The following PPP2R5D variants were observed in gnomAD, a reference collection of about 807,000 sequenced individuals.
PPP2R5D encodes the protein protein phosphatase 2 regulatory subunit B'delta.
PPP2R5D carries 12 observed loss-of-function variants against 79.1 expected under a neutral mutation model. That is an observed-to-expected ratio of 0.15 (90% CI 0.10 to 0.25). PPP2R5D has a LOEUF of 0.25. PPP2R5D is among the 10% of genes least tolerant of loss of function. The pLI is 1.00. For synonymous variants in PPP2R5D, 277 were observed against 286.6 expected, an observed-to-expected ratio of 0.97 and a Z score of 0.34; for missense variants, 419 against 760.2, an observed-to-expected ratio of 0.55 and a Z score of 5.28.
Position 43,008,165 on chromosome 6 carries a change from C to T in PPP2R5D, c.858-36C>T. The T allele has an allele frequency of 6.2e-7, 1 of 1,613,120 alleles. No individual in the cohort carries two copies. The highest frequency in any genetic ancestry group is 8.5e-7 in the Non-Finnish European group (1 of 1,179,766). On this transcript the variant is annotated intron_variant, in intron 7 of 15. Coordinates refer to ENST00000485511, the MANE Select transcript of PPP2R5D (RefSeq NM_006245.4). This position sits in a 1 kb window ranked among gnomAD's most constrained non-coding sequence, Gnocchi z 4.2. ...ACTGTACAGAATGCTGGAGGGACATCAGGGGTTGTCAAGAGAGCCATTTTT... is the reference window on the plus strand; with the variant it reads ...ACTGTACAGAATGCTGGAGGGACATTAGGGGTTGTCAAGAGAGCCATTTTT...
At chr6:43,004,568 A>C (rs76082872) in intron 2 of PPP2R5D, among the ~76,000 whole-genome samples, 1 of 96,398 alleles carries the variant, frequency 1.0e-5, no homozygotes, top group Admixed American at 1.0e-4. Context: ...TTCTTTTCCT[A>C]CTTTTTTTTT....
intron 2 of PPP2R5D, among the ~76,000 whole-genome samples, chr6:42,996,469 TAAAAAAAAATA>T (rs887858070): frequency 7.0e-5 from 7 of 99,468 alleles, no homozygotes; most frequent in East Asian, 5.3e-4. Flanking sequence ...GTCTCAAAAA[TAAAAAAAAATA>T]AAAAAAAAAT....
In PPP2R5D at chr6:43,008,338, G is replaced by C. The variant is rs1243718469; in HGVS notation, c.918-29G>C. ...GTACTGAACTTGGATCTGACCCTCTGGTCCTAACAAATGTCCCTTAATTCC... is the reference window on the plus strand; with the variant it reads ...GTACTGAACTTGGATCTGACCCTCTCGTCCTAACAAATGTCCCTTAATTCC... On this transcript the variant is annotated intron_variant, in intron 8 of 15. Transcript: ENST00000485511. The surrounding 1 kb of genome is among the most constrained non-coding windows in gnomAD (Gnocchi z 4.2). 8.7e-6 allele frequency: 14 copies of C among 1,613,164 alleles called. No individual in the cohort carries two copies. Among genetic ancestry groups the C allele is most frequent in the Admixed American group, 5.0e-5 (3 of 60,010 alleles).
At chr6:43,002,823 A>C (rs1017828436) in intron 2 of PPP2R5D, among the ~76,000 whole-genome samples, 6 of 152,166 alleles carry the variant, frequency 3.9e-5, no homozygotes, top group Admixed American at 1.3e-4. Flanking sequence ...GTAAGGAGTA[A>C]GAGTTTGGGA....
chr6:42,985,318 A>G (rs1770754691), intron 1 of PPP2R5D, among the ~76,000 whole-genome samples: 1 of 152,132 alleles, frequency 6.6e-6, no homozygotes, highest in Non-Finnish European at 1.5e-5. Flanking sequence ...CCTTCTGTTG[A>G]TGGAACCTCA....
At chr6:42,994,896 G>A (rs561356913) in intron 2 of PPP2R5D, among the ~76,000 whole-genome samples, 16 of 151,934 alleles carry the variant, frequency 1.1e-4, no homozygotes, top group South Asian at 4.2e-4. Context: ...TAGGGACAGA[G>A]GGAGGAATAA....
intron 2 of PPP2R5D, among the ~76,000 whole-genome samples, chr6:42,998,901 G>T: frequency 6.6e-6 from 1 of 152,132 alleles, no homozygotes; most frequent in East Asian, 1.9e-4. Context: ...CAGGCCTAGT[G>T]GTGCACGCCT....
chr6:42,998,231 C>A (rs1167022525), intron 2 of PPP2R5D, among the ~76,000 whole-genome samples: 1 of 149,244 alleles, frequency 6.7e-6, no homozygotes, highest in African/African-American at 2.5e-5. Flanking sequence ...CGTGCCACCA[C>A]GCCCAGCTAA....
At chr6:43,004,164 A>T (rs148628546) in intron 2 of PPP2R5D, among the ~76,000 whole-genome samples, 2 of 152,126 alleles carry the variant, frequency 1.3e-5, no homozygotes, top group Non-Finnish European at 2.9e-5. Flanking sequence ...CTGGGACTAC[A>T]GGCACCCACC....
chr6:42,989,850 A>C (rs1388283422), intron 2 of PPP2R5D, among the ~76,000 whole-genome samples, 162 bp downstream of exon 2: 1 of 152,216 alleles, frequency 6.6e-6, no homozygotes, highest in East Asian at 1.9e-4. Flanking sequence ...GGCAGGATTT[A>C]CCTTTGGTTG....
At chr6:42,994,559 T>A (rs925028975) in intron 2 of PPP2R5D, among the ~76,000 whole-genome samples, 1 of 151,202 alleles carries the variant, frequency 6.6e-6, no homozygotes, top group Admixed American at 6.6e-5. Context: ...AATCCCAGCA[T>A]TTTGGGAGGC....
chr6:42,990,281 T>C (rs9462861), intron 2 of PPP2R5D, among the ~76,000 whole-genome samples: 3,176 of 152,118 alleles, frequency 0.021, 51 homozygotes, highest in Non-Finnish European at 0.034. Context: ...AGTTTGGGAG[T>C]GTGCACAGTG....
chr6:42,999,991 A>G (rs1021178163), intron 2 of PPP2R5D, among the ~76,000 whole-genome samples: 4 of 151,568 alleles, frequency 2.6e-5, no homozygotes, highest in Non-Finnish European at 4.4e-5. Context: ...GCTAGAGTGC[A>G]GTGGCGTGAG....
intron 2 of PPP2R5D, among the ~76,000 whole-genome samples, chr6:42,998,013 ATTTATATATATATATATATAT>A (rs1771839693): frequency 0.012 from 444 of 38,414 alleles, 11 homozygotes; most frequent in South Asian, 0.021. Flanking sequence ...TTTGGGTTTT[ATTTATATATATATATATATAT>A]ATATATATAT....
chr6:43,007,567 T>C lies in PPP2R5D; in HGVS notation c.726+61T>C. 1 of 1,429,534 alleles carries C rather than the reference T, an allele frequency of 7.0e-7. No individual in the cohort carries two copies. The highest frequency in any genetic ancestry group is 1.1e-5 in the South Asian group (1 of 87,386). 88.6% of individuals were successfully genotyped at this position (1,429,534 alleles called of 1,614,324 possible). On this transcript the variant is annotated intron_variant, in intron 6 of 15. Transcript: ENST00000485511. The surrounding 1 kb of genome is among the most constrained non-coding windows in gnomAD (Gnocchi z 4.5). ...CCATTCCATGCCCCCTTCATCTGTG[T>C]CCCAGTGGCTCTTTCCCCTTAAGCT...
At position 43,011,001 on chromosome 6, in the gene PPP2R5D, G is replaced by T. The variant is rs767964383; in HGVS notation, c.1671+4G>T. ...TGTGGAGACTGAGGCTGTTCAGGTG[G>T]GAGGGCAATGTAGGGGGATGGAGCA... is the stretch of plus-strand genomic sequence containing the variant. On this transcript the variant is annotated splice_donor_region_variant and intron_variant, in intron 15 of 15. Coordinates refer to ENST00000485511, the MANE Select transcript of PPP2R5D (RefSeq NM_006245.4). The T allele has an allele frequency of 3.0e-5, 49 of 1,612,730 alleles. No individual in the cohort carries two copies. The highest frequency in any genetic ancestry group is 4.0e-5 in the Non-Finnish European group (47 of 1,178,856).
chr6:42,995,119 T>G (rs1771551711), intron 2 of PPP2R5D, among the ~76,000 whole-genome samples: 1 of 143,194 alleles, frequency 7.0e-6, no homozygotes, highest in Non-Finnish European at 1.5e-5. Flanking sequence ...CACCGAACTT[T>G]TTCTTTCTTT....
chr6:42,985,029 C>G (rs1015500026), intron 1 of PPP2R5D, among the ~76,000 whole-genome samples: 7 of 151,914 alleles, frequency 4.6e-5, no homozygotes, highest in African/African-American at 1.5e-4. Context: ...CTGTCCCCCC[C>G]ATCACCCCTG....
At chr6:42,994,161 G>T (rs1771469314) in intron 2 of PPP2R5D, among the ~76,000 whole-genome samples, 1 of 152,096 alleles carries the variant, frequency 6.6e-6, no homozygotes, top group Non-Finnish European at 1.5e-5. Context: ...ACAAAAATTA[G>T]CCTGGCATGG....
Sources: gnomAD v4.1 joint callset for allele counts (sites outside exome capture counted in the v4.1 genomes callset) on GRCh38, gnomAD v4.1.1 for gene constraint, Gnocchi (gnomAD v3.1) non-coding constraint, MANE v1.5 for transcripts, NCBI Gene and HGNC (gene_info 2026-07-23, HGNC 2026-07-21) for gene names.